HEG1: variants seen among roughly 807,000 people sequenced by gnomAD.
HEG1 encodes the protein protein HEG homolog 1.
A neutral mutation model predicts 125.6 loss-of-function variants in HEG1; 56 were observed. The observed-to-expected ratio is 0.45, with a 90% CI of 0.36 to 0.56. The LOEUF (loss-of-function observed/expected upper bound fraction) is 0.56, where lower values mean the gene tolerates loss of function less well. HEG1 is among the 20% of genes least tolerant of loss of function. HEG1 has a pLI of 0.00. For missense variants in HEG1, 1,523 were observed against 1,670.0 expected, an observed-to-expected ratio of 0.91 and a Z score of 1.53; for synonymous variants, 644 against 668.5, an observed-to-expected ratio of 0.96 and a Z score of 0.57.
At chr3:125,017,799 T>G (rs1027778755) in intron 5 of HEG1, among the ~76,000 whole-genome samples, 3 of 151,458 alleles carry the variant, frequency 2.0e-5, no homozygotes, top group Non-Finnish European at 4.4e-5. Flanking sequence ...AGCAGGCGGA[T>G]CATGAGGTCA....
intron 14 of HEG1, among the ~76,000 whole-genome samples, chr3:124,990,123 T>A (rs1936805893): frequency 6.6e-6 from 1 of 151,866 alleles, no homozygotes; most frequent in Non-Finnish European, 1.5e-5. Context: ...CTAATTCCAC[T>A]CCCTCCAAGA....
Position 124,977,893 on chromosome 3 carries a change from T to G in HEG1, c.3787A>C (p.Ile1263Leu), listed in dbSNP as rs375027372. 1 of 1,580,030 alleles carries G rather than the reference T, an allele frequency of 6.3e-7. No individual in the cohort carries two copies. The highest frequency in any genetic ancestry group is 8.6e-7 in the Non-Finnish European group (1 of 1,162,910). The change falls in exon 15 of 17, where the codon ATC (isoleucine) becomes CTC (leucine). Residue 1263 changes from isoleucine (I) to leucine (L), a missense_variant. By Grantham distance (5) the Ile-to-Leu change is conservative (BLOSUM62 2). Transcript: ENST00000311127. ...IAAAGGGLLL[I>L]LGIALIVTCC... ...GTAACAATCAGTGCGATGCCTAGGA[T>G]GAGCAGGAGCCCACCTCCCGCGGCT...
At chr3:125,003,348 A>T (rs1437752794) in intron 9 of HEG1, among the ~76,000 whole-genome samples, 1 of 152,214 alleles carries the variant, frequency 6.6e-6, no homozygotes, top group African/African-American at 2.4e-5. Context: ...ACTTCTGCAA[A>T]GGGTTCTAAA....
At chr3:125,034,079 T>C (rs1937523703) in intron 1 of HEG1, among the ~76,000 whole-genome samples, 1 of 138,522 alleles carries the variant, frequency 7.2e-6, no homozygotes, top group South Asian at 2.4e-4. Context: ...ATCCTGTTAA[T>C]AATGGGGCAG....
At chr3:125,053,060 C>T (rs73189222) in intron 1 of HEG1, among the ~76,000 whole-genome samples, 3,574 of 152,308 alleles carry the variant, frequency 0.023, 77 homozygotes, top group Non-Finnish European at 0.037. Context: ...AAATGGAGCA[C>T]GTTACTTGTA....
intron 6 of HEG1, among the ~76,000 whole-genome samples, chr3:125,011,369 A>ATG (rs1937155600): frequency 6.6e-6 from 1 of 152,222 alleles, no homozygotes; most frequent in Non-Finnish European, 1.5e-5. Context: ...TATATAGCCA[A>ATG]ACACTAACCC....
Position 124,974,031 on chromosome 3 carries a change from A to G in HEG1, c.3822-126T>C, listed in dbSNP as rs1308497932. The G allele has an allele frequency of 6.2e-6, 4 of 644,878 alleles. No homozygotes were observed. In the East Asian group the frequency reaches 1.1e-4, roughly 18 times the overall value. 39.9% of individuals were successfully genotyped at this position (644,878 alleles called of 1,614,324 possible). The stretch of plus-strand genomic sequence containing the variant: ...CCATTATATTTATTTGTAGCTGCCC[A>G]CTGAGTAGTATTATTATTGTTGTTA... On this transcript the variant is annotated intron_variant, in intron 15 of 16. Transcript: ENST00000311127.
chr3:124,997,860 A>T (rs1338086062), intron 11 of HEG1, 37 bp from the exon 12 acceptor site: 1 of 1,528,352 alleles, frequency 6.5e-7, no homozygotes, highest in Non-Finnish European at 8.8e-7. Context: ...ACAAAACAAA[A>T]CCTTCTCCAC....
intron 8 of HEG1, among the ~76,000 whole-genome samples, chr3:125,007,942 C>A (rs776714786): frequency 1.5e-4 from 22 of 150,972 alleles, no homozygotes; most frequent in Non-Finnish European, 2.9e-4. Flanking sequence ...CAGAGTCTCA[C>A]TGTGCAGCCC....
At chr3:125,038,576 G>A (rs1358712121) in intron 1 of HEG1, among the ~76,000 whole-genome samples, 1 of 152,246 alleles carries the variant, frequency 6.6e-6, no homozygotes, top group African/African-American at 2.4e-5. Flanking sequence ...TGGCATCGCA[G>A]TGGGGACAAT....
rs976494690 is a variant in HEG1, at chr3:124,969,723, A to C, written c.*929T>G. 2.0e-5 allele frequency: 3 copies of C among 152,202 alleles called. No individual in the cohort carries two copies. The highest frequency in any genetic ancestry group is 7.2e-5 in the African/African-American group (3 of 41,414). The allele number at this position is 152,202 out of a possible 1,614,324, so 9.4% of individuals were successfully genotyped here. A position where few individuals can be genotyped will look rare whatever the true frequency, so the allele number is the denominator to read the frequency against. Reference sequence around the variant, plus strand: ...GGGGCTCAACAAGCTGCTTTCCTAGAGTGGTGAAACCTGCGTTCAGTTTGA... The same window carrying C: ...GGGGCTCAACAAGCTGCTTTCCTAGCGTGGTGAAACCTGCGTTCAGTTTGA... On this transcript the variant is annotated 3_prime_UTR_variant, in exon 17 of 17. Coordinates refer to ENST00000311127, the MANE Select transcript of HEG1 (RefSeq NM_020733.2).
chr3:124,972,423 TTA>T (rs1360222613), intron 16 of HEG1, among the ~76,000 whole-genome samples: 1 of 152,256 alleles, frequency 6.6e-6, no homozygotes, highest in African/African-American at 2.4e-5. Context: ...TTGTATTTCT[TTA>T]TGTTTTTTTC....
At position 124,970,706 on chromosome 3, in the gene HEG1, T is replaced by G. The variant is rs1232538909; in HGVS notation, c.4092A>C (p.Gly1364=). Residue 1364 remains glycine, a synonymous_variant, in exon 17 of 17, where the codon GGA becomes GGC. Coordinates refer to ENST00000311127, the MANE Select transcript of HEG1 (RefSeq NM_020733.2). ...CACTGATGAAAGACGGGTTATACTG[T>G]CCGGGGAAAATGCAAGAATGCCGTG... The part of the protein sequence containing the change: ...PGSRHSCIFP[G]QYNPSFISDE... The G allele has an allele frequency of 1.2e-6, 2 of 1,609,186 alleles. No individual in the cohort carries two copies. Among genetic ancestry groups the G allele is most frequent in the Non-Finnish European group, 1.7e-6 (2 of 1,177,876 alleles).
chr3:125,002,710 C>G (rs1340302562), intron 9 of HEG1, among the ~76,000 whole-genome samples: 1 of 152,220 alleles, frequency 6.6e-6, no homozygotes, highest in Non-Finnish European at 1.5e-5. Context: ...TACTCTAGGT[C>G]TGACAGGCCC....
intron 3 of HEG1, among the ~76,000 whole-genome samples, chr3:125,023,496 G>A (rs973621033): frequency 5.9e-5 from 9 of 152,114 alleles, no homozygotes; most frequent in Admixed American, 5.9e-4. Context: ...GCAAGGCATT[G>A]GGCGAAGTAC....
chr3:125,027,610 T>G, intron 2 of HEG1, 103 bp from the exon 3 acceptor site: 1 of 927,786 alleles, frequency 1.1e-6, no homozygotes, highest in Non-Finnish European at 1.6e-6. Context: ...TATACAGACA[T>G]AAGAAGAAAT....
rs747301827 is a variant in HEG1 at position 125,013,590 on chromosome 3, AGAG to A, written c.1986_1988del (p.Ser672del). The A allele has an allele frequency of 1.5e-5, 24 of 1,596,090 alleles. No individual in the cohort carries two copies. Among genetic ancestry groups the A allele is most frequent in the South Asian group, 2.2e-5 (2 of 89,004 alleles). ...AAGAAGAAGAAGAGGAGGAGGAGGA[AGAG>A]GAGGAGGAGGAGTCACTAACAAACT... On this transcript the variant is annotated inframe_deletion, in exon 6 of 17. Coordinates refer to ENST00000311127, the MANE Select transcript of HEG1 (RefSeq NM_020733.2).
rs368908906 is a variant in HEG1 at position 124,990,970 on chromosome 3, A to G, written c.3669T>C (p.Tyr1223=). 1.3e-6 allele frequency: 2 copies of G among 1,558,794 alleles called. No individual in the cohort carries two copies. The highest frequency in any genetic ancestry group is 1.4e-5 in the African/African-American group (1 of 73,590). Residue 1223 remains tyrosine, a synonymous_variant, in exon 13 of 17, where the codon TAT becomes TAC. Coordinates refer to ENST00000311127, the MANE Select transcript of HEG1 (RefSeq NM_020733.2). Reference sequence around the variant, plus strand: ...TCATGCAGGTTTCATTTTCAAGCCTATATCCATCTTCACATGCTGAAAGAC... The same window carrying G: ...TCATGCAGGTTTCATTTTCAAGCCTGTATCCATCTTCACATGCTGAAAGAC... ...DHSCRACEDG[Y]RLENETCMSC...
intron 9 of HEG1, among the ~76,000 whole-genome samples, chr3:125,004,272 C>A (rs1352962546): frequency 6.6e-6 from 1 of 152,174 alleles, no homozygotes; most frequent in African/African-American, 2.4e-5. Flanking sequence ...CTCTTATCCA[C>A]AAAGAACAAG....
Sources: allele counts gnomAD v4.1 joint callset (sites outside exome capture counted in the v4.1 genomes callset), GRCh38; gene constraint gnomAD v4.1.1; transcripts MANE v1.5; gene names NCBI Gene and HGNC (gene_info 2026-07-23, HGNC 2026-07-21).